Variants in RIMS2 observed in about 807,000 individuals in gnomAD.
RIMS2 encodes the protein regulating synaptic membrane exocytosis 2, also known as regulating synaptic membrane exocytosis protein 2.
RIMS2 carries 59 observed loss-of-function variants against 174.4 expected under a neutral mutation model. The observed-to-expected ratio is 0.34, with a 90% CI of 0.27 to 0.42. The LOEUF (loss-of-function observed/expected upper bound fraction) is 0.42. Among genes scored for constraint, RIMS2 ranks in the 10% least tolerant of loss-of-function variants. The pLI is 1.00. For missense variants in RIMS2, 1,620 were observed against 1,666.3 expected, an observed-to-expected ratio of 0.97 and a Z score of 0.48; for synonymous variants, 606 against 572.5, an observed-to-expected ratio of 1.06 and a Z score of -0.84.
intron 19 of RIMS2, chr8:104,223,522 A>G (rs1237134137): frequency 5.7e-6 from 8 of 1,412,964 alleles, no homozygotes; most frequent in Admixed American, 3.0e-5. Flanking sequence ...GGCAGGGGCC[A>G]GAGCCTCAGG....
At chr8:103,744,885 T>G (rs2097793855) in intron 2 of RIMS2, among the ~76,000 whole-genome samples, 1 of 152,236 alleles carries the variant, frequency 6.6e-6, no homozygotes, top group Non-Finnish European at 1.5e-5. Flanking sequence ...CTGACTATAC[T>G]TTTTTGGATT....
At chr8:103,666,624 G>A (rs902103212) in intron 1 of RIMS2, among the ~76,000 whole-genome samples, 6 of 152,006 alleles carry the variant, frequency 3.9e-5, no homozygotes, top group Admixed American at 1.3e-4. Flanking sequence ...GGTCTTTTTT[G>A]GGGGGCTATC....
intron 3 of RIMS2, among the ~76,000 whole-genome samples, chr8:103,785,703 T>C (rs1303483066): frequency 6.6e-6 from 1 of 152,200 alleles, no homozygotes; most frequent in Non-Finnish European, 1.5e-5. Context: ...TGCATCAATG[T>C]TCATCAAGGA....
At chr8:103,942,701 T>C (rs573050228) in intron 13 of RIMS2, 72 bp from the exon 16 acceptor site, 1 of 1,105,644 alleles carries the variant, frequency 9.0e-7, no homozygotes, top group African/African-American at 1.6e-5. Flanking sequence ...ACTACAAAAG[T>C]TATAGGACCA....
At chr8:103,945,473 A>G (rs2083493962) in intron 14 of RIMS2, among the ~76,000 whole-genome samples, 1 of 152,096 alleles carries the variant, frequency 6.6e-6, no homozygotes, top group Non-Finnish European at 1.5e-5. Flanking sequence ...AAGTCAGACA[A>G]ACACATTAAA....
exon 14 of RIMS2, chr8:103,942,863 C>G: frequency 6.2e-7 from 1 of 1,613,588 alleles, no homozygotes; most frequent in South Asian, 1.1e-5. Flanking sequence ...GCCACTTCCC[C>G]ACCCTTCTCC....
chr8:103,520,475 G>T (rs188656581), intron 1 of RIMS2, among the ~76,000 whole-genome samples: 2 of 152,206 alleles, frequency 1.3e-5, no homozygotes, highest in Non-Finnish European at 2.9e-5. Flanking sequence ...CTCTCTTGGG[G>T]TAAGAAGATG....
chr8:103,912,970 G>GTT (rs1272975359), intron 6 of RIMS2, among the ~76,000 whole-genome samples: 8,124 of 114,700 alleles, frequency 0.071, 552 homozygotes, highest in Non-Finnish European at 0.094. Flanking sequence ...TTTTTTTGTT[G>GTT]TTTTTTTTTT....
chr8:103,624,321 G>T (rs372303054), intron 1 of RIMS2, among the ~76,000 whole-genome samples: 34 of 152,180 alleles, frequency 2.2e-4, no homozygotes, highest in Non-Finnish European at 3.7e-4. Context: ...CCATTTGCTG[G>T]CTGCCTGCCT....
intron 2 of RIMS2, among the ~76,000 whole-genome samples, chr8:103,725,368 G>T (rs1192334121): frequency 6.6e-6 from 1 of 152,102 alleles, no homozygotes; most frequent in Non-Finnish European, 1.5e-5. Flanking sequence ...GGAAGTTTAT[G>T]CATGCCCTTT....
intron 1 of RIMS2, among the ~76,000 whole-genome samples, chr8:103,671,166 A>G (rs552933268): frequency 2.2e-4 from 33 of 151,366 alleles, no homozygotes; most frequent in African/African-American, 7.7e-4. Flanking sequence ...TGTGAGACTT[A>G]TTCACTACCA....
intron 1 of RIMS2, among the ~76,000 whole-genome samples, chr8:103,594,133 A>C (rs1354809979): frequency 2.0e-5 from 3 of 151,698 alleles, no homozygotes; most frequent in Admixed American, 2.0e-4. Context: ...ACAGTGAAAA[A>C]TTTGAGTAAC....
At chr8:104,091,140 A>G (rs1208379436) in intron 19 of RIMS2, among the ~76,000 whole-genome samples, 2 of 151,844 alleles carry the variant, frequency 1.3e-5, no homozygotes, top group Non-Finnish European at 3.0e-5. Context: ...AATTGATCCA[A>G]GATCACAAAC....
At chr8:104,069,986 G>C (rs896836063) in intron 19 of RIMS2, among the ~76,000 whole-genome samples, 1 of 152,128 alleles carries the variant, frequency 6.6e-6, no homozygotes, top group African/African-American at 2.4e-5. Context: ...TGTGGTCTCC[G>C]TGTAATAGAG....
intron 3 of RIMS2, among the ~76,000 whole-genome samples, chr8:103,812,808 A>G (rs2098697214): frequency 6.6e-6 from 1 of 152,200 alleles, no homozygotes; most frequent in South Asian, 2.1e-4. Context: ...TCAGGGAAAT[A>G]TAGAATACTT....
intron 1 of RIMS2, among the ~76,000 whole-genome samples, chr8:103,636,294 T>C (rs979703979): frequency 7.9e-5 from 12 of 152,316 alleles, no homozygotes; most frequent in Non-Finnish European, 1.3e-4. Flanking sequence ...CACAGAAGTC[T>C]AACCTCCCAG....
intron 2 of RIMS2, among the ~76,000 whole-genome samples, chr8:103,727,787 A>G (rs1453020912): frequency 6.6e-6 from 1 of 152,172 alleles, no homozygotes; most frequent in Middle Eastern, 3.2e-3. Context: ...AGTGTGATCC[A>G]TTGATCTATG....
At chr8:103,748,662 G>GT (rs2097849835) in intron 2 of RIMS2, among the ~76,000 whole-genome samples, 1 of 151,864 alleles carries the variant, frequency 6.6e-6, no homozygotes, top group African/African-American at 2.4e-5. Context: ...TCTTCAATTT[G>GT]TATAAAGCAT....
At chr8:104,064,462 A>T (rs2154560819) in intron 19 of RIMS2, among the ~76,000 whole-genome samples, 1 of 152,174 alleles carries the variant, frequency 6.6e-6, no homozygotes, top group South Asian at 2.1e-4. Context: ...GTCTTGTGTA[A>T]TTTAAGGAAG....
Sources: allele counts gnomAD v4.1 joint callset (sites outside exome capture counted in the v4.1 genomes callset), GRCh38; gene constraint gnomAD v4.1.1; transcripts MANE v1.5; gene names NCBI Gene and HGNC (gene_info 2026-07-23, HGNC 2026-07-21).